WASF2: variants seen among roughly 807,000 people sequenced by gnomAD.
WASF2 encodes the protein WASP family member 2.
A neutral mutation model predicts 45.0 loss-of-function variants in WASF2; 14 were observed. The ratio of observed to expected loss-of-function variants is 0.31; its 90% CI spans 0.21 to 0.49. The LOEUF is 0.49. Ranked by LOEUF, WASF2 falls within the 20% of genes least tolerant of loss-of-function variation. The probability of loss-of-function intolerance (pLI) is 0.99; values close to 1 mark genes in which losing one functional copy is unlikely to be tolerated. For missense variants in WASF2, 439 were observed against 636.1 expected, an observed-to-expected ratio of 0.69 and a Z score of 3.33; for synonymous variants, 200 against 236.3, an observed-to-expected ratio of 0.85 and a Z score of 1.41.
chr1:27,443,406 G>A (rs961674385), intron 1 of WASF2, among the ~76,000 whole-genome samples: 17 of 151,100 alleles, frequency 1.1e-4, no homozygotes, highest in Non-Finnish European at 1.5e-5. Flanking sequence ...CTGAGGTCAG[G>A]AGTTCAAGAC....
At chr1:27,456,941 C>G (rs1274269331) in intron 1 of WASF2, among the ~76,000 whole-genome samples, 2 of 152,004 alleles carry the variant, frequency 1.3e-5, no homozygotes, top group African/African-American at 4.8e-5. Context: ...GGTGTTTTGT[C>G]ATGTTGGCCA....
intron 1 of WASF2, among the ~76,000 whole-genome samples, chr1:27,446,781 CAAA>C (rs397938564): frequency 5.5e-4 from 67 of 121,410 alleles, no homozygotes; most frequent in Admixed American, 7.5e-4. Flanking sequence ...AGCCTGTCTC[CAAA>C]AAAAAAAAAA....
intron 1 of WASF2, among the ~76,000 whole-genome samples, chr1:27,449,265 T>C (rs1238566945): frequency 6.6e-6 from 1 of 152,160 alleles, no homozygotes; most frequent in Non-Finnish European, 1.5e-5. Flanking sequence ...CTAATCTTAG[T>C]GCCTACCACC....
At chr1:27,484,922 G>C (rs1277433452) in intron 1 of WASF2, among the ~76,000 whole-genome samples, 1 of 152,084 alleles carries the variant, frequency 6.6e-6, no homozygotes, top group Non-Finnish European at 1.5e-5. Context: ...GGCCAAGGCA[G>C]GTGGATCACC....
At chr1:27,487,588 AT>A (rs1315127121) in intron 1 of WASF2, among the ~76,000 whole-genome samples, 2 of 96,910 alleles carry the variant, frequency 2.1e-5, no homozygotes, top group East Asian at 2.5e-4. Context: ...TATTATATAT[AT>A]TTTATATAAT....
At chr1:27,452,167 G>A (rs952285369) in intron 1 of WASF2, among the ~76,000 whole-genome samples, 4 of 152,232 alleles carry the variant, frequency 2.6e-5, no homozygotes, top group African/African-American at 7.2e-5. Flanking sequence ...TCAAGTGTCA[G>A]CAATCTTTTC....
At chr1:27,454,128 T>TAC (rs1288142219) in intron 1 of WASF2, among the ~76,000 whole-genome samples, 6 of 7,552 alleles carry the variant, frequency 7.9e-4, no homozygotes, top group East Asian at 3.9e-3. Context: ...TATGTGTGTA[T>TAC]ATATATATGT....
chr1:27,481,685 T>C (rs953554322), intron 1 of WASF2, among the ~76,000 whole-genome samples: 1 of 147,160 alleles, frequency 6.8e-6, no homozygotes, highest in African/African-American at 2.5e-5. Flanking sequence ...CATCGGGCCA[T>C]TGCACTCCAG....
chr1:27,481,318 T>G (rs1166780849), intron 1 of WASF2, among the ~76,000 whole-genome samples: 1 of 151,038 alleles, frequency 6.6e-6, no homozygotes, highest in Non-Finnish European at 1.5e-5. Flanking sequence ...AAATAACGCA[T>G]GTGTGTATAC....
intron 4 of WASF2, among the ~76,000 whole-genome samples, 164 bp from the exon 5 acceptor site, chr1:27,416,266 C>T (rs949468888): frequency 2.0e-5 from 3 of 152,328 alleles, no homozygotes; most frequent in Middle Eastern, 3.4e-3. Context: ...TCAATGCCCC[C>T]GAATGGCACC....
At position 27,405,025 on chromosome 1, in the gene WASF2, C is replaced by T. The variant is rs41291104; in HGVS notation, c.*3164G>A. 9.2e-3 allele frequency: 1,425 copies of T among 154,752 alleles called. 6 individuals are homozygous for T. The highest frequency in any genetic ancestry group is 0.016 in the Non-Finnish European group (1,068 of 68,886). The allele number at this position is 154,752 out of a possible 1,614,324, so 9.6% of individuals were successfully genotyped here. A position where few individuals can be genotyped will look rare whatever the true frequency, so the allele number is the denominator to read the frequency against. On this transcript the variant is annotated 3_prime_UTR_variant, in exon 9 of 9. Transcript: ENST00000618852. ...GCCGCAGTGGGAGGCAGTCCTAGAGCAGAGCTGGGACACGGTGGGAATGCT... is the reference window on the plus strand; with the variant it reads ...GCCGCAGTGGGAGGCAGTCCTAGAGTAGAGCTGGGACACGGTGGGAATGCT...
rs181047002 is a variant in WASF2, at chr1:27,407,777, G to A, written c.*412C>T. 17 of 171,324 alleles carry A rather than the reference G, an allele frequency of 9.9e-5. No individual in the cohort carries two copies. The East Asian group carries it at 1.2e-3, about 12-fold the overall frequency. The allele number at this position is 171,324 out of a possible 1,614,324, so 10.6% of individuals were successfully genotyped here. A position where few individuals can be genotyped will look rare whatever the true frequency, so the allele number is the denominator to read the frequency against. On this transcript the variant is annotated 3_prime_UTR_variant, in exon 9 of 9. Coordinates refer to ENST00000618852, the MANE Select transcript of WASF2 (RefSeq NM_006990.5). ...GCTGTGTTCATTCAGACCACTCCCC[G>A]TTTTAGAACCAGAAGGTGGCTGGCA... is the stretch of plus-strand genomic sequence containing the variant.
chr1:27,452,330 T>G (rs2017394338), intron 1 of WASF2, among the ~76,000 whole-genome samples: 1 of 152,030 alleles, frequency 6.6e-6, no homozygotes, highest in African/African-American at 2.4e-5. Context: ...TTGGCCAACA[T>G]GGTGAAAACC....
rs567193642 is a variant in WASF2 at position 27,426,603 on chromosome 1, C to T, written c.130+2158G>A. The stretch of plus-strand genomic sequence containing the variant: ...TCAGCTTACTACAACCTCCGCCTCC[C>T]GGATTCAAGCGATTCTCGTGCCTTA... On this transcript the variant is annotated intron_variant, in intron 2 of 8. Coordinates refer to ENST00000618852, the MANE Select transcript of WASF2 (RefSeq NM_006990.5). 3.6e-4 allele frequency among the ~76,000 whole-genome samples: 55 copies of T among 152,112 alleles called. 1 individual carries two copies. In the South Asian group the frequency reaches 0.01, roughly 28 times the overall value.
intron 1 of WASF2, chr1:27,459,488 T>A (rs2017516901): frequency 6.6e-6 from 1 of 151,924 alleles, no homozygotes; most frequent in East Asian, 1.9e-4. Context: ...AAAACATCTA[T>A]CCTTTTAAAT....
intron 8 of WASF2, among the ~76,000 whole-genome samples, chr1:27,409,294 A>G (rs545153487): frequency 3.1e-4 from 47 of 151,726 alleles, no homozygotes; most frequent in Admixed American, 7.2e-4. Flanking sequence ...GCGTGGTGGC[A>G]GGCGCCTGTA....
rs1033689412 is a variant in WASF2 at position 27,415,538 on chromosome 1, A to G, written c.537+447T>C. On this transcript the variant is annotated intron_variant, in intron 5 of 8. Transcript: ENST00000618852. Reference sequence around the variant, plus strand: ...GGGAGGGAGAATCTTCAAAACCTACATATATCCCCCCACCCTAGCCCCGCC... The same window carrying G: ...GGGAGGGAGAATCTTCAAAACCTACGTATATCCCCCCACCCTAGCCCCGCC... Among the ~76,000 whole-genome samples, 17 of 152,222 alleles carry G rather than the reference A, an allele frequency of 1.1e-4. No homozygotes were observed. In the Middle Eastern group the frequency reaches 0.01, roughly 91 times the overall value.
chr1:27,456,062 C>T (rs573687142), intron 1 of WASF2, among the ~76,000 whole-genome samples: 135 of 152,210 alleles, frequency 8.9e-4, no homozygotes, highest in Non-Finnish European at 1.2e-3. Flanking sequence ...GTGGCTCACA[C>T]CTGTAATCCC....
chr1:27,457,621 C>A (rs1038944223), intron 1 of WASF2, among the ~76,000 whole-genome samples: 4 of 140,324 alleles, frequency 2.9e-5, no homozygotes, highest in Admixed American at 1.4e-4. Flanking sequence ...ATATTGTGAC[C>A]TTTTTTTTTT....
Sources: allele counts gnomAD v4.1 joint callset (sites outside exome capture counted in the v4.1 genomes callset), GRCh38; gene constraint gnomAD v4.1.1; transcripts MANE v1.5; gene names NCBI Gene and HGNC (gene_info 2026-07-23, HGNC 2026-07-21).